Variants in TOP2B observed in about 807,000 individuals in gnomAD.
TOP2B encodes the protein DNA topoisomerase 2-beta.
Under a neutral mutation model 193.5 loss-of-function variants are expected in TOP2B, and 51 were observed. The ratio of observed to expected loss-of-function variants is 0.26; its 90% CI spans 0.21 to 0.33. The LOEUF (loss-of-function observed/expected upper bound fraction) is 0.33, where lower values mean the gene tolerates loss of function less well. Among genes scored for constraint, TOP2B ranks in the 10% least tolerant of loss-of-function variants. TOP2B has a pLI of 1.00. For missense variants in TOP2B, 1,378 were observed against 1,909.3 expected (o/e 0.72, Z 5.19); for synonymous variants, 634 against 635.7 (o/e 1.00, Z 0.04).
At position 25,598,190 on chromosome 3, in the gene TOP2B, A is replaced by T; in HGVS notation, c.*117T>A. On this transcript the variant is annotated 3_prime_UTR_variant, in exon 36 of 36. Transcript: ENST00000264331. ...GTTAAAAGGCCTACCACAATAATAA[A>T]AAACCGTCAATTACATCATCACATT... 4.4e-6 allele frequency: 5 copies of T among 1,131,834 alleles called. No homozygotes were observed. The highest frequency in any genetic ancestry group is 2.4e-5 in the East Asian group (1 of 41,318). The allele number at this position is 1,131,834 out of a possible 1,614,324, so 70.1% of individuals were successfully genotyped here. A position where few individuals can be genotyped will look rare whatever the true frequency, so the allele number is the denominator to read the frequency against.
intron 2 of TOP2B, 128 bp downstream of exon 2, chr3:25,645,172 C>A: frequency 1.2e-6 from 1 of 868,214 alleles, no homozygotes; most frequent in South Asian, 2.1e-5. Flanking sequence ...GATCTTTCAC[C>A]CTACTTTGAC....
chr3:25,649,526 C>T (rs1215498572), intron 1 of TOP2B, among the ~76,000 whole-genome samples: 1 of 150,752 alleles, frequency 6.6e-6, no homozygotes, highest in African/African-American at 2.4e-5. Flanking sequence ...TACAAAGGAG[C>T]TTCTGTTAGA....
rs1371648750 is a variant in TOP2B at position 25,615,485 on chromosome 3, C to T, written c.3453G>A (p.Leu1151=). 3.2e-6 allele frequency: 5 copies of T among 1,578,396 alleles called. No homozygotes were observed. The East Asian group carries it at 6.9e-5, about 22-fold the overall frequency. The change falls in exon 26 of 36, where the codon CTG becomes CTA. Residue 1151 remains leucine, a synonymous_variant. Transcript: ENST00000264331. ...CAACTTTTTCTTTAGTAAGAGACCA[C>T]AGAGACATATTTAAAATATAATTAA... is the stretch of plus-strand genomic sequence containing the variant. ...PDFNYILNMS[L]WSLTKEKVEE... is the part of the protein sequence containing the mutation.
chr3:25,613,136 TA>T (rs1184634668), intron 27 of TOP2B, among the ~76,000 whole-genome samples: 1 of 152,170 alleles, frequency 6.6e-6, no homozygotes, highest in Non-Finnish European at 1.5e-5. Context: ...AAAAACCTCC[TA>T]AATGTAAATT....
chr3:25,661,404 A>G (rs1486792305), intron 1 of TOP2B, among the ~76,000 whole-genome samples: 3 of 152,328 alleles, frequency 2.0e-5, no homozygotes, highest in Admixed American at 2.0e-4. Flanking sequence ...AATTTTTTTT[A>G]ATCTACCAAG....
chr3:25,619,592 A>G (rs1702603885), intron 23 of TOP2B, among the ~76,000 whole-genome samples: 2 of 152,120 alleles, frequency 1.3e-5, no homozygotes, highest in African/African-American at 2.4e-5. Context: ...AACCACTCTC[A>G]TAACTTTTAG....
At chr3:25,629,520 A>C (rs1181774492) in intron 13 of TOP2B, among the ~76,000 whole-genome samples, 1 of 152,142 alleles carries the variant, frequency 6.6e-6, no homozygotes, top group Non-Finnish European at 1.5e-5. Context: ...TAGATAAAAA[A>C]TTGGAAAATT....
rs971593565 is a variant in TOP2B at position 25,624,878 on chromosome 3, T to C, written c.2225-75A>G. On this transcript the variant is annotated intron_variant, in intron 18 of 35. Coordinates refer to ENST00000264331, the MANE Select transcript of TOP2B (RefSeq NM_001330700.2). ...ACAATTCAGGGGAATAAAGCAAAGA[T>C]ACAATTTGCTTTTCAAGAACACCAG... 4.0e-5 allele frequency: 57 copies of C among 1,442,216 alleles called. No homozygotes were observed. In the African/African-American group the frequency reaches 6.6e-4, roughly 17 times the overall value. The allele number at this position is 1,442,216 out of a possible 1,614,324, so 89.3% of individuals were successfully genotyped here.
At chr3:25,647,565 T>C (rs998171972) in intron 1 of TOP2B, among the ~76,000 whole-genome samples, 1 of 151,852 alleles carries the variant, frequency 6.6e-6, no homozygotes, top group African/African-American at 2.4e-5. Flanking sequence ...CAGAGGCTCA[T>C]GTCTATCTAA....
At chr3:25,633,396 G>C (rs980069962) in intron 8 of TOP2B, among the ~76,000 whole-genome samples, 1 of 152,098 alleles carries the variant, frequency 6.6e-6, no homozygotes, top group Non-Finnish European at 1.5e-5. Flanking sequence ...GCCTTACCCA[G>C]ACATGCCACC....
rs1305868512 is a variant in TOP2B at position 25,664,280 on chromosome 3, G to A, written c.18C>T (p.Gly6=). 1 of 1,534,532 alleles carries A rather than the reference G, an allele frequency of 6.5e-7. No individual in the cohort carries two copies. Among genetic ancestry groups the A allele is most frequent in the African/African-American group, 1.4e-5 (1 of 72,680 alleles). Residue 6 remains glycine (G), a synonymous_variant, in exon 1 of 36, where the codon GGC becomes GGT. Transcript: ENST00000264331. ...CGCCCACGCCGGCTCCCGCGCCGCA[G>A]CCACCCGACTTGGCCATGGCGAGTG... MAKSG[G]CGAGAGVGGG...
intron 20 of TOP2B, 147 bp downstream of exon 20, chr3:25,624,150 T>C: frequency 1.0e-6 from 1 of 973,536 alleles, no homozygotes. Flanking sequence ...CTTCATTCTA[T>C]TTGTGGTCAA....
intron 25 of TOP2B, among the ~76,000 whole-genome samples, chr3:25,616,500 A>C (rs1176236735): frequency 2.0e-5 from 3 of 151,398 alleles, no homozygotes; most frequent in Non-Finnish European, 4.4e-5. Flanking sequence ...CTTCAGAAGT[A>C]AGATAAAAAT....
At chr3:25,621,697 C>T (rs1437081923) in intron 21 of TOP2B, among the ~76,000 whole-genome samples, 2 of 151,822 alleles carry the variant, frequency 1.3e-5, no homozygotes, top group South Asian at 4.2e-4. Flanking sequence ...ATTAAGAAAT[C>T]GAGTATATAG....
At chr3:25,617,580 G>C (rs925049786) in intron 25 of TOP2B, among the ~76,000 whole-genome samples, 17 of 152,198 alleles carry the variant, frequency 1.1e-4, no homozygotes, top group African/African-American at 4.1e-4. Flanking sequence ...GAAGTTTAAA[G>C]GTTCAAGTTA....
At position 25,615,552 on chromosome 3, in the gene TOP2B, T is replaced by A; in HGVS notation, c.3386A>T (p.Asp1129Val). ...AEEDETQNQH[D>V]DSSSDSGTPS... ...AGTTCCTGAATCGGAGGAACTATCA[T>A]CATGCTGGTTTTGTGTTTCATCCTC... The change falls in exon 26 of 36, where the codon GAT becomes GTT. Residue 1129 changes from aspartate (D) to valine (V), a missense_variant. This residue lies in a region of TOP2B where 556 missense variants were observed against 584.2 expected (regional missense o/e 0.95). Coordinates refer to ENST00000264331, the MANE Select transcript of TOP2B (RefSeq NM_001330700.2). 1 of 1,571,014 alleles carries A rather than the reference T, an allele frequency of 6.4e-7. No individual in the cohort carries two copies. Among genetic ancestry groups the A allele is most frequent in the Non-Finnish European group, 8.6e-7 (1 of 1,158,708 alleles).
intron 3 of TOP2B, among the ~76,000 whole-genome samples, chr3:25,643,014 G>T (rs1703308184): frequency 6.6e-6 from 1 of 152,148 alleles, no homozygotes; most frequent in Admixed American, 6.5e-5. Context: ...ATGGAGGCAA[G>T]AGTAAAGGTA....
chr3:25,601,938 A>G (rs1702105567), intron 33 of TOP2B, among the ~76,000 whole-genome samples: 1 of 152,210 alleles, frequency 6.6e-6, no homozygotes, highest in Non-Finnish European at 1.5e-5. Flanking sequence ...AATGAATAGA[A>G]ACCAACTCAC....
At chr3:25,663,025 G>C (rs905796956) in intron 1 of TOP2B, among the ~76,000 whole-genome samples, 8 of 152,090 alleles carry the variant, frequency 5.3e-5, no homozygotes, top group Non-Finnish European at 1.2e-4. Context: ...CCTGGCCCTA[G>C]TCCCTTCATA....
Sources: allele counts gnomAD v4.1 joint callset (sites outside exome capture counted in the v4.1 genomes callset), GRCh38; gene constraint gnomAD v4.1.1; regional missense constraint gnomAD v4.1.1; transcripts MANE v1.5; gene names NCBI Gene and HGNC (gene_info 2026-07-23, HGNC 2026-07-21).